Variants in HERC4 observed in about 807,000 individuals in gnomAD.
The protein encoded by HERC4 is probable E3 ubiquitin-protein ligase HERC4.
A neutral mutation model predicts 124.3 loss-of-function variants in HERC4; 28 were observed. The observed-to-expected ratio is 0.23, with a 90% CI of 0.17 to 0.31. The LOEUF is 0.31. Among genes scored for constraint, HERC4 ranks in the 10% least tolerant of loss-of-function variants. The pLI, the probability that HERC4 is intolerant of heterozygous loss-of-function variation, is 1.00. For synonymous variants in HERC4, 407 were observed against 421.5 expected (o/e 0.97, Z 0.42); for missense variants, 713 against 1,229.3 (o/e 0.58, Z 6.28).
At chr10:67,983,289 A>G (rs1441428553) in intron 15 of HERC4, among the ~76,000 whole-genome samples, 1 of 152,190 alleles carries the variant, frequency 6.6e-6, no homozygotes, top group East Asian at 1.9e-4. Context: ...AATTAGTACA[A>G]CCATTATGGA....
At chr10:67,967,196 G>A (rs896663431) in intron 15 of HERC4, among the ~76,000 whole-genome samples, 1 of 152,044 alleles carries the variant, frequency 6.6e-6, no homozygotes, top group Non-Finnish European at 1.5e-5. Flanking sequence ...AAATGCTTTG[G>A]GGATTTTCTT....
intron 3 of HERC4, among the ~76,000 whole-genome samples, chr10:68,052,675 T>C (rs1414600711): frequency 1.3e-5 from 2 of 152,210 alleles, no homozygotes; most frequent in South Asian, 2.1e-4. Context: ...AGAAATATTA[T>C]CAATTAAGCT....
chr10:67,934,445 G>A (rs954219844), intron 22 of HERC4, among the ~76,000 whole-genome samples: 2 of 151,848 alleles, frequency 1.3e-5, no homozygotes, highest in African/African-American at 4.8e-5. Context: ...TTTCTAAATC[G>A]ACACAGTTAT....
At position 67,926,400 on chromosome 10, in the gene HERC4, T is replaced by TA. The variant is rs1415973423; in HGVS notation, c.2839-1214dup. Among the ~76,000 whole-genome samples the TA allele has an allele frequency of 1.1e-4, 14 of 124,224 alleles. No homozygotes were observed. In the East Asian group the frequency reaches 1.6e-3, roughly 14 times the overall value. 81.5% of individuals were successfully genotyped at this position (124,224 alleles called of 152,430 possible). A position where few individuals can be genotyped will look rare whatever the true frequency, so the allele number is the denominator to read the frequency against. ...CAACAAGAGCGAAACTCCATCTCAATAAAAAAAATAAAAAATAAAAAAAAA... is the reference window on the plus strand; with the variant it reads ...CAACAAGAGCGAAACTCCATCTCAATAAAAAAAAATAAAAAATAAAAAAAAA... On this transcript the variant is annotated intron_variant, in intron 23 of 24. Coordinates refer to ENST00000373700, the MANE Select transcript of HERC4 (RefSeq NM_015601.4).
At chr10:67,998,369 G>A (rs1589280794) in intron 9 of HERC4, among the ~76,000 whole-genome samples, 1 of 151,486 alleles carries the variant, frequency 6.6e-6, no homozygotes, top group Middle Eastern at 3.4e-3. Flanking sequence ...CCAAAATGGT[G>A]AAACCCCATC....
At chr10:68,048,742 G>A (rs148419695) in intron 3 of HERC4, among the ~76,000 whole-genome samples, 6 of 152,284 alleles carry the variant, frequency 3.9e-5, no homozygotes, top group South Asian at 2.1e-4. Flanking sequence ...TGGGGAGGTG[G>A]TGCATGGTAG....
At chr10:68,038,648 C>T (rs1190347572) in intron 4 of HERC4, among the ~76,000 whole-genome samples, 2 of 152,158 alleles carry the variant, frequency 1.3e-5, no homozygotes, top group African/African-American at 4.8e-5. Context: ...GTATGTTCTA[C>T]CAACTCTCAA....
intron 9 of HERC4, among the ~76,000 whole-genome samples, chr10:67,997,806 C>T (rs188705977): frequency 2.6e-5 from 4 of 152,292 alleles, no homozygotes; most frequent in South Asian, 4.1e-4. Flanking sequence ...ATGACCTGTG[C>T]TCTTGTACGA....
chr10:67,928,344 GAGA>G (rs1355650605), intron 23 of HERC4, among the ~76,000 whole-genome samples: 1 of 152,092 alleles, frequency 6.6e-6, no homozygotes. Context: ...TTCTTCTTTT[GAGA>G]AGATCAATTT....
In HERC4 at chr10:67,922,453, T is replaced by TC. The variant is rs2030316805; in HGVS notation, c.*477dup. On this transcript the variant is annotated 3_prime_UTR_variant, in exon 25 of 25. Transcript: ENST00000373700. Reference sequence around the variant, plus strand: ...TAATTTTTAACCTTTAAAAGTCTGTTCAAGTTCAATTACAACCATAGAAAC... The same window carrying TC: ...TAATTTTTAACCTTTAAAAGTCTGTTCCAAGTTCAATTACAACCATAGAAAC... 1 of 152,220 alleles carries TC rather than the reference T, an allele frequency of 6.6e-6. No individual in the cohort carries two copies. The allele number at this position is 152,220 out of a possible 1,614,324, so 9.4% of individuals were successfully genotyped here.
At chr10:67,966,425 T>C (rs2034867090) in intron 16 of HERC4, 2 of 316,774 alleles carry the variant, frequency 6.3e-6, no homozygotes, top group African/African-American at 2.2e-5. Flanking sequence ...TTCACACTTG[T>C]AGGTTTTTTT....
intron 19 of HERC4, among the ~76,000 whole-genome samples, chr10:67,951,888 C>T (rs1484238781): frequency 1.3e-5 from 2 of 152,110 alleles, no homozygotes; most frequent in Admixed American, 1.3e-4. Flanking sequence ...CTATTTCTGC[C>T]ATCGTTTTTG....
In HERC4 at chr10:67,922,755, AAC is replaced by A. The variant is rs1223940693; in HGVS notation, c.*174_*175del. On this transcript the variant is annotated 3_prime_UTR_variant, in exon 25 of 25. Coordinates refer to ENST00000373700, the MANE Select transcript of HERC4 (RefSeq NM_015601.4). ...ATCCATGGTTCTGTACAATAATATT[AAC>A]AGTTTGTTCATTTTCCTTTAATATT... 2 of 493,008 alleles carry A rather than the reference AAC, an allele frequency of 4.1e-6. No homozygotes were observed. The highest frequency in any genetic ancestry group is 6.7e-5 in the South Asian group (2 of 30,020). 30.5% of individuals were successfully genotyped at this position (493,008 alleles called of 1,614,324 possible).
At chr10:67,925,959 C>T (rs1379784995) in intron 23 of HERC4, among the ~76,000 whole-genome samples, 1 of 152,098 alleles carries the variant, frequency 6.6e-6, no homozygotes, top group Non-Finnish European at 1.5e-5. Context: ...ATGAGGGAAC[C>T]CTGAGCCCAA....
At chr10:67,998,706 G>A (rs898322826) in intron 9 of HERC4, among the ~76,000 whole-genome samples, 1 of 152,098 alleles carries the variant, frequency 6.6e-6, no homozygotes, top group South Asian at 2.1e-4. Context: ...TATGCCAGTA[G>A]TTCTCAAAAG....
chr10:67,927,417 TATATA>T lies in HERC4; in HGVS notation c.2839-2235_2839-2231del, dbSNP rs2031197165. The stretch of plus-strand genomic sequence containing the variant: ...ATATATATATATATATATATATATA[TATATA>T]TATATATATTTTTTTTTTTTTTTAG... On this transcript the variant is annotated intron_variant, in intron 23 of 24. Coordinates refer to ENST00000373700, the MANE Select transcript of HERC4 (RefSeq NM_015601.4). Among the ~76,000 whole-genome samples, 21 of 11,344 alleles carry T rather than the reference TATATA, an allele frequency of 1.9e-3. 1 individual carries two copies. Among genetic ancestry groups the T allele is most frequent in the East Asian group, 4.2e-3 (4 of 956 alleles). The allele number at this position is 11,344 out of a possible 152,430, so 7.4% of individuals were successfully genotyped here.
chr10:67,976,908 C>A (rs1270554151), intron 15 of HERC4, among the ~76,000 whole-genome samples: 2 of 152,182 alleles, frequency 1.3e-5, no homozygotes, highest in East Asian at 3.9e-4. Flanking sequence ...AATGTGAGTT[C>A]CTGCAAGCCT....
In HERC4 at chr10:68,058,065, G is replaced by A. The variant is rs940251393; in HGVS notation, c.227-13502C>T. On this transcript the variant is annotated intron_variant, in intron 3 of 24. Transcript: ENST00000373700. ...CAATGATCAATCTAACTTCCATCACGTATGTGCTTCTCACAAGAAAAAAAA... is the reference window on the plus strand; with the variant it reads ...CAATGATCAATCTAACTTCCATCACATATGTGCTTCTCACAAGAAAAAAAA... Among the ~76,000 whole-genome samples the A allele has an allele frequency of 7.9e-5, 12 of 151,338 alleles. No homozygotes were observed. In the East Asian group the frequency reaches 9.8e-4, roughly 12 times the overall value.
chr10:68,072,070 T>C (rs987157304), intron 3 of HERC4, among the ~76,000 whole-genome samples: 3 of 152,174 alleles, frequency 2.0e-5, no homozygotes, highest in African/African-American at 7.2e-5. Context: ...ATTGTTACAG[T>C]TAAAATAAAC....
Sources: allele counts gnomAD v4.1 joint callset (sites outside exome capture counted in the v4.1 genomes callset), GRCh38; gene constraint gnomAD v4.1.1; transcripts MANE v1.5; gene names NCBI Gene and HGNC (gene_info 2026-07-23, HGNC 2026-07-21).